CYP4A11: variants seen among roughly 807,000 people sequenced by gnomAD.
CYP4A11 encodes cytochrome P450 family 4 subfamily A member 11, also known as cytochrome P450 4A11.
A neutral mutation model predicts 57.7 loss-of-function variants in CYP4A11; 52 were observed. The observed-to-expected ratio is 0.90, with a 90% CI of 0.72 to 1.14. The LOEUF is 1.14. Ranked by LOEUF, CYP4A11 falls within the 50% of genes most tolerant of loss-of-function variation. The pLI is 0.00. For synonymous variants in CYP4A11, 228 were observed against 247.1 expected (o/e 0.92, Z 0.72); for missense variants, 641 against 642.1 (o/e 1.00, Z 0.02).
Position 46,930,005 on chromosome 1 carries a change from C to G in CYP4A11, c.*110G>C, listed in dbSNP as rs962554653. 3.7e-6 allele frequency: 5 copies of G among 1,360,388 alleles called. No individual in the cohort carries two copies. In the African/African-American group the frequency reaches 4.4e-5, roughly 12 times the overall value. 84.3% of individuals were successfully genotyped at this position (1,360,388 alleles called of 1,614,324 possible). A position where few individuals can be genotyped will look rare whatever the true frequency, so the allele number is the denominator to read the frequency against. ...AGAGAAGGGCAGGCAGACTGGGGGA[C>G]AGCAGGCAGGTGGGAAGAAGGGAAG... On this transcript the variant is annotated 3_prime_UTR_variant, in exon 12 of 12. Transcript: ENST00000310638.
At chr1:46,940,517 G>C (rs541363788) in intron 1 of CYP4A11, among the ~76,000 whole-genome samples, 2 of 152,274 alleles carry the variant, frequency 1.3e-5, no homozygotes, top group South Asian at 2.1e-4. Flanking sequence ...TGTGGGAGGA[G>C]AGCCAGGAGG....
In CYP4A11 at chr1:46,937,910, G is replaced by T. The variant is rs1681512765; in HGVS notation, c.337+86C>A. On this transcript the variant is annotated intron_variant, in intron 2 of 11. Coordinates refer to ENST00000310638, the MANE Select transcript of CYP4A11 (RefSeq NM_000778.4). ...GGTTTCAGATATTGATGTTTGAACA[G>T]CCACTCTCTTCTGGAATTTTACAGA... The T allele has an allele frequency of 2.5e-6, 4 of 1,573,542 alleles. No individual in the cohort carries two copies. In the Middle Eastern group the frequency reaches 6.9e-4, roughly 271 times the overall value.
intron 1 of CYP4A11, 53 bp from the exon 2 acceptor site, chr1:46,938,190 G>A: frequency 1.2e-6 from 2 of 1,609,112 alleles, no homozygotes; most frequent in African/African-American, 1.3e-5. Flanking sequence ...AGTCTTTGCA[G>A]CAGGAGTGAA....
At position 46,934,294 on chromosome 1, in the gene CYP4A11, C is replaced by G; in HGVS notation, c.970G>C (p.Asp324His). The change falls in exon 8 of 12, where the codon GAC becomes CAC. Residue 324 changes from aspartate (D) to histidine (H), a missense_variant. Transcript: ENST00000310638. Reference protein sequence around the residue: ...EVDTFMFEGHDTTASGISWIL... With the variant: ...EVDTFMFEGHHTTASGISWIL... ...CAGGAGATCCCACTGGCTGTGGTGT[C>G]GTGGCCCTCAAACATGAACGTGTCC... 1 of 1,611,828 alleles carries G rather than the reference C, an allele frequency of 6.2e-7. No individual in the cohort carries two copies. Among genetic ancestry groups the G allele is most frequent in the Non-Finnish European group, 8.5e-7 (1 of 1,179,166 alleles).
At chr1:46,935,202 C>T (rs1294164857) in intron 5 of CYP4A11, 48 bp from the exon 6 acceptor site, 4 of 1,583,254 alleles carry the variant, frequency 2.5e-6, no homozygotes, top group Admixed American at 3.5e-5. Context: ...GGGCCCATTA[C>T]CCGGAAGTAG....
chr1:46,933,710 A>G (rs1395019779), intron 9 of CYP4A11, among the ~76,000 whole-genome samples: 1 of 152,234 alleles, frequency 6.6e-6, no homozygotes, highest in East Asian at 1.9e-4. Flanking sequence ...AGAATTTTAC[A>G]GTTACTGACC....
chr1:46,933,053 G>A lies in CYP4A11; in HGVS notation c.1223-6C>T, dbSNP rs1681128050. ...GGAGAGGAGGACCATGATACCTGTG[G>A]TGCAGGTTGGAAACAGAGAGAAGAC... On this transcript the variant is annotated splice_region_variant and splice_polypyrimidine_tract_variant and intron_variant, in intron 9 of 11. Transcript: ENST00000310638. The A allele has an allele frequency of 1.2e-6, 2 of 1,614,166 alleles. No individual in the cohort carries two copies. Among genetic ancestry groups the A allele is most frequent in the Middle Eastern group, 1.7e-4 (1 of 6,060 alleles).
rs537814261 is a variant in CYP4A11 at position 46,938,732 on chromosome 1, A to T, written c.196-595T>A. Among the ~76,000 whole-genome samples the T allele has an allele frequency of 2.4e-3, 360 of 150,392 alleles. 1 individual carries two copies. The highest frequency in any genetic ancestry group is 3.4e-3 in the Non-Finnish European group (229 of 67,442). Reference sequence around the variant, plus strand: ...TATGCATATGGTGCTGGTGTTGGACAATAATTTTGAGATTTGGGTTTCTTA... The same window carrying T: ...TATGCATATGGTGCTGGTGTTGGACTATAATTTTGAGATTTGGGTTTCTTA... On this transcript the variant is annotated intron_variant, in intron 1 of 11. Coordinates refer to ENST00000310638, the MANE Select transcript of CYP4A11 (RefSeq NM_000778.4).
intron 11 of CYP4A11, chr1:46,932,483 T>C: frequency 3.0e-6 from 4 of 1,313,840 alleles, no homozygotes; most frequent in Non-Finnish European, 3.9e-6. Context: ...GTGAGGAAAA[T>C]ACATGAATAT....
At position 46,938,149 on chromosome 1, in the gene CYP4A11, G is replaced by C. The variant is rs773811195; in HGVS notation, c.196-12C>G. 8 of 1,614,104 alleles carry C rather than the reference G, an allele frequency of 5.0e-6. No individual in the cohort carries two copies. In the South Asian group the frequency reaches 6.6e-5, roughly 13 times the overall value. Reference sequence around the variant, plus strand: ...TGGTCCTGTTGGAGCTGTCAACAAGGGTAGACAGATGAACACTTTCATTTA... The same window carrying C: ...TGGTCCTGTTGGAGCTGTCAACAAGCGTAGACAGATGAACACTTTCATTTA... On this transcript the variant is annotated splice_polypyrimidine_tract_variant and intron_variant, in intron 1 of 11. Coordinates refer to ENST00000310638, the MANE Select transcript of CYP4A11 (RefSeq NM_000778.4).
rs1472825359 is a variant in CYP4A11 at position 46,933,984 on chromosome 1, G to C, written c.1184C>G (p.Thr395Ser). Residue 395 changes from threonine (T) to serine (S), a missense_variant, in exon 9 of 12, where the codon ACT becomes AGT. Coordinates refer to ENST00000310638, the MANE Select transcript of CYP4A11 (RefSeq NM_000778.4). Reference sequence around the variant, plus strand: ...GCGCCCATCAGGGAAGGTGACGGGAGTGCTGAGCTCTCTGCCAATGCCTGG... The same window carrying C: ...GCGCCCATCAGGGAAGGTGACGGGACTGCTGAGCTCTCTGCCAATGCCTGG... ...PVPGIGRELS[T>S]PVTFPDGRSL... 1.2e-6 allele frequency: 2 copies of C among 1,614,142 alleles called. No homozygotes were observed. The highest frequency in any genetic ancestry group is 1.7e-6 in the Non-Finnish European group (2 of 1,180,034).
chr1:46,930,889 C>T (rs1680984267), intron 11 of CYP4A11, among the ~76,000 whole-genome samples: 1 of 152,140 alleles, frequency 6.6e-6, no homozygotes, highest in African/African-American at 2.4e-5. Flanking sequence ...GTCCGGGCTC[C>T]TGTCTAACCT....
Position 46,941,273 on chromosome 1 carries a change from G to A in CYP4A11, c.161C>T (p.Pro54Leu), listed in dbSNP as rs536828497. 1 of 1,614,034 alleles carries A rather than the reference G, an allele frequency of 6.2e-7. No individual in the cohort carries two copies. Among genetic ancestry groups the A allele is most frequent in the South Asian group, 1.1e-5 (1 of 91,058 alleles). The part of the protein sequence containing the change: ...LLKALQQFPC[P>L]PSHWLFGHIQ... ...GTGCCCGAAGAGCCAGTGGGAGGGA[G>A]GGCACGGGAACTGCTGGAGGGCTTT... The change falls in exon 1 of 12, where the codon CCT (proline) becomes CTT (leucine). Residue 54 changes from proline to leucine, a missense_variant. Pro to Leu is a moderately conservative substitution (Grantham distance 98). Transcript: ENST00000310638.
chr1:46,931,046 C>T (rs1238850485), intron 11 of CYP4A11, among the ~76,000 whole-genome samples: 1 of 152,196 alleles, frequency 6.6e-6, no homozygotes, highest in African/African-American at 2.4e-5. Flanking sequence ...TCAGACCCTC[C>T]CACGCTCTTC....
chr1:46,929,500 A>G lies in CYP4A11; in HGVS notation c.*615T>C, dbSNP rs1680881160. The G allele has an allele frequency of 1.0e-5, 1 of 98,404 alleles. No homozygotes were observed. The highest frequency in any genetic ancestry group is 3.1e-5 in the African/African-American group (1 of 32,038). 6.1% of individuals were successfully genotyped at this position (98,404 alleles called of 1,614,324 possible). On this transcript the variant is annotated 3_prime_UTR_variant, in exon 12 of 12. Coordinates refer to ENST00000310638, the MANE Select transcript of CYP4A11 (RefSeq NM_000778.4). ...GTGCAGATTATTTATTGGTGATCAA[A>G]CAAAGAAACAGGTGGTGAGAATGTG...
In CYP4A11 at chr1:46,936,925, A is replaced by T. The variant is rs533023360; in HGVS notation, c.383-134T>A. 8 of 1,430,700 alleles carry T rather than the reference A, an allele frequency of 5.6e-6. No homozygotes were observed. The East Asian group carries it at 2.0e-4, about 36-fold the overall frequency. The allele number at this position is 1,430,700 out of a possible 1,614,324, so 88.6% of individuals were successfully genotyped here. On this transcript the variant is annotated intron_variant, in intron 3 of 11. Transcript: ENST00000310638. The stretch of plus-strand genomic sequence containing the variant: ...GCTTCTCAAGGGGAGAACTATCCAG[A>T]AGAAGCCACGTCATGGGCAAATGCA...
chr1:46,935,014 G>C lies in CYP4A11; in HGVS notation c.776C>G (p.Ala259Gly), dbSNP rs533408902. 1 of 1,613,838 alleles carries C rather than the reference G, an allele frequency of 6.2e-7. No homozygotes were observed. Among genetic ancestry groups the C allele is most frequent in the Non-Finnish European group, 8.5e-7 (1 of 1,179,884 alleles). Residue 259 changes from alanine (A) to glycine (G), a missense_variant, in exon 6 of 12, where the codon GCC (alanine) becomes GGC (glycine). Coordinates refer to ENST00000310638, the MANE Select transcript of CYP4A11 (RefSeq NM_000778.4). ...AAAGACAGAACCTGTGTGCTGATGG[G>C]CCAGCTGGCAGGCGCGGTGTGTCCA... ...GRWTHRACQLAHQHTDQVIQL... is the reference protein window; with the variant it reads ...GRWTHRACQLGHQHTDQVIQL...
intron 11 of CYP4A11, chr1:46,931,905 C>G (rs1433527140): frequency 3.1e-6 from 3 of 981,752 alleles, no homozygotes; most frequent in East Asian, 1.1e-4. Context: ...GTTTTCCTCT[C>G]CAGCTCAAAA....
intron 5 of CYP4A11, 112 bp downstream of exon 5, chr1:46,935,411 T>G (rs549527801): frequency 5.9e-6 from 9 of 1,516,978 alleles, no homozygotes; most frequent in Non-Finnish European, 7.9e-6. Context: ...GGTCAGGGAC[T>G]GACTCTTCCT....
Sources: gnomAD v4.1 joint callset for allele counts (sites outside exome capture counted in the v4.1 genomes callset) on GRCh38, gnomAD v4.1.1 for gene constraint, MANE v1.5 for transcripts, NCBI Gene and HGNC (gene_info 2026-07-23, HGNC 2026-07-21) for gene names.